The following WDTC1 variants were observed in gnomAD, a reference collection of about 807,000 sequenced individuals.
WDTC1 encodes WD and tetratricopeptide repeats 1.
In WDTC1, 12 loss-of-function variants were observed where a neutral mutation model predicts 76.0. The ratio of observed to expected loss-of-function variants is 0.16; its 90% confidence interval spans 0.10 to 0.26. The LOEUF is 0.26. WDTC1 is among the 10% of genes least tolerant of loss of function. The probability of loss-of-function intolerance (pLI) is 1.00; values close to 1 mark genes in which losing one functional copy is unlikely to be tolerated. For missense variants in WDTC1, 511 were observed against 908.8 expected (o/e 0.56, Z 5.63); for synonymous variants, 326 against 350.8 (o/e 0.93, Z 0.79).
intron 3 of WDTC1, among the ~76,000 whole-genome samples, chr1:27,276,393 T>C (rs1328055176): frequency 6.6e-6 from 1 of 152,152 alleles, no homozygotes; most frequent in Non-Finnish European, 1.5e-5. Context: ...ACACTTCTTA[T>C]TATCAATATT....
intron 6 of WDTC1, among the ~76,000 whole-genome samples, 168 bp downstream of exon 6, chr1:27,288,029 G>A (rs1413380580): frequency 3.9e-5 from 6 of 152,174 alleles, no homozygotes; most frequent in African/African-American, 1.2e-4. Context: ...TGCTTACTCC[G>A]CCCTCACCTT....
rs2013939745 is a variant in WDTC1, at chr1:27,305,745, T to A, written c.1837-441T>A. ...CAAGTGGTATGTCTGATTCCCAAGA[T>A]AATTTGCTGTGACTTTTAAAGAGAG... On this transcript the variant is annotated intron_variant, in intron 15 of 15. Transcript: ENST00000319394. This position sits in a 1 kb window ranked among gnomAD's most constrained non-coding sequence, Gnocchi z 4.6. Among the ~76,000 whole-genome samples the A allele has an allele frequency of 6.6e-6, 1 of 152,050 alleles. No individual in the cohort carries two copies. Among genetic ancestry groups the A allele is most frequent in the Non-Finnish European group, 1.5e-5 (1 of 68,002 alleles).
intron 5 of WDTC1, among the ~76,000 whole-genome samples, chr1:27,287,068 C>T (rs1276277927): frequency 1.3e-5 from 2 of 151,160 alleles, no homozygotes; most frequent in African/African-American, 2.4e-5. Flanking sequence ...GAGGCTGACA[C>T]AGGAGAATCG....
At chr1:27,280,209 T>C (rs901845596) in intron 3 of WDTC1, among the ~76,000 whole-genome samples, 2 of 152,246 alleles carry the variant, frequency 1.3e-5, no homozygotes, top group African/African-American at 4.8e-5. Context: ...CCTATTCTTA[T>C]AATTATTACT....
At chr1:27,298,162 C>T in intron 12 of WDTC1, 51 bp downstream of exon 12, 1 of 1,505,816 alleles carries the variant, frequency 6.6e-7, no homozygotes, top group Non-Finnish European at 8.9e-7. Flanking sequence ...GAGAAAGCAG[C>T]TGGACCAAAA....
intron 3 of WDTC1, among the ~76,000 whole-genome samples, chr1:27,272,341 C>T (rs1316917456): frequency 1.3e-5 from 2 of 152,132 alleles, no homozygotes; most frequent in Admixed American, 6.5e-5. Context: ...CCCACCTTGG[C>T]CTCCCAAGTA....
At chr1:27,296,957 C>G in intron 10 of WDTC1, 91 bp from the exon 11 acceptor site, 1 of 1,135,906 alleles carries the variant, frequency 8.8e-7, no homozygotes, top group Non-Finnish European at 1.3e-6. Context: ...ATGGAACCAT[C>G]AGACCCCGTG....
intron 3 of WDTC1, among the ~76,000 whole-genome samples, chr1:27,265,523 G>A (rs773040400): frequency 6.6e-6 from 1 of 152,062 alleles, no homozygotes; most frequent in Non-Finnish European, 1.5e-5. Context: ...GCATGGTGGT[G>A]CATACTTGTC....
chr1:27,303,887 C>T lies in WDTC1; in HGVS notation c.1643+92C>T. 6.6e-7 allele frequency: 1 copy of T among 1,521,866 alleles called. No individual in the cohort carries two copies. Among genetic ancestry groups the T allele is most frequent in the Non-Finnish European group, 9.0e-7 (1 of 1,115,002 alleles). The allele number at this position is 1,521,866 out of a possible 1,614,324, so 94.3% of individuals were successfully genotyped here. A position where few individuals can be genotyped will look rare whatever the true frequency, so the allele number is the denominator to read the frequency against. On this transcript the variant is annotated intron_variant, in intron 14 of 15. Transcript: ENST00000319394. This position sits in a 1 kb window ranked among gnomAD's most constrained non-coding sequence, Gnocchi z 4.8. The stretch of plus-strand genomic sequence containing the variant: ...GCATAATGGTTTCAGAGAAGAATCT[C>T]AAATCCCTGCTCTGCCTCTGTACCC...
intron 1 of WDTC1, among the ~76,000 whole-genome samples, chr1:27,250,229 T>C (rs2011995222): frequency 1.3e-5 from 2 of 152,126 alleles, no homozygotes; most frequent in Admixed American, 6.6e-5. Context: ...CTGTATCCTC[T>C]AGGCTGGAGT....
At chr1:27,280,566 A>G (rs2013158945) in intron 3 of WDTC1, among the ~76,000 whole-genome samples, 1 of 152,224 alleles carries the variant, frequency 6.6e-6, no homozygotes, top group South Asian at 2.1e-4. Flanking sequence ...TTTAATCTAA[A>G]TCTTGCTTGT....
At chr1:27,250,101 G>T (rs566954182) in intron 1 of WDTC1, among the ~76,000 whole-genome samples, 17 of 152,220 alleles carry the variant, frequency 1.1e-4, no homozygotes, top group South Asian at 6.2e-4. Context: ...AATATAACAG[G>T]GGTTACCAGG....
intron 3 of WDTC1, among the ~76,000 whole-genome samples, chr1:27,271,275 C>T (rs778625523): frequency 2.4e-4 from 36 of 151,974 alleles, no homozygotes; most frequent in Admixed American, 2.6e-4. Context: ...AGTGCAGTGG[C>T]GTGATCTTGG....
At chr1:27,288,913 C>T (rs1344593340) in intron 6 of WDTC1, among the ~76,000 whole-genome samples, 3 of 152,076 alleles carry the variant, frequency 2.0e-5, no homozygotes, top group African/African-American at 7.2e-5. Flanking sequence ...CTCCTCACTT[C>T]CCAGTAGGGG....
intron 5 of WDTC1, 142 bp downstream of exon 5, chr1:27,283,591 G>T: frequency 1.5e-6 from 1 of 657,730 alleles, no homozygotes; most frequent in South Asian, 2.0e-5. Flanking sequence ...AGTATCTGTT[G>T]GTGATTCCTG....
In WDTC1 at chr1:27,301,561, T is replaced by A; in HGVS notation, c.1468+100T>A. On this transcript the variant is annotated intron_variant, in intron 13 of 15. Transcript: ENST00000319394. This position sits in a 1 kb window ranked among gnomAD's most constrained non-coding sequence, Gnocchi z 5.8. ...GGTTCTGGGATTGGAGAGGCCTGGG[T>A]TCAGATGTTGATTCAGAAACCATGC... 1 of 1,338,400 alleles carries A rather than the reference T, an allele frequency of 7.5e-7. No individual in the cohort carries two copies. The highest frequency in any genetic ancestry group is 1.0e-6 in the Non-Finnish European group (1 of 973,032). 82.9% of individuals were successfully genotyped at this position (1,338,400 alleles called of 1,614,324 possible). A position where few individuals can be genotyped will look rare whatever the true frequency, so the allele number is the denominator to read the frequency against.
chr1:27,248,371 T>G (rs1336022000), intron 1 of WDTC1, among the ~76,000 whole-genome samples: 2 of 152,220 alleles, frequency 1.3e-5, no homozygotes, highest in Non-Finnish European at 2.9e-5. Flanking sequence ...GGTATCTCAT[T>G]GTGGTTTTGA....
At chr1:27,296,953 C>G in intron 10 of WDTC1, 95 bp from the exon 11 acceptor site, 3 of 1,079,818 alleles carry the variant, frequency 2.8e-6, no homozygotes, top group Non-Finnish European at 4.2e-6. Context: ...CACGATGGAA[C>G]CATCAGACCC....
intron 1 of WDTC1, among the ~76,000 whole-genome samples, chr1:27,260,264 C>T (rs1021127374): frequency 5.9e-5 from 9 of 152,088 alleles, no homozygotes; most frequent in Admixed American, 5.2e-4. Flanking sequence ...GCCACCACAC[C>T]CAGCTAATTT....
Sources: gnomAD v4.1 joint callset for allele counts (sites outside exome capture counted in the v4.1 genomes callset) on GRCh38, gnomAD v4.1.1 for gene constraint, Gnocchi (gnomAD v3.1) non-coding constraint, MANE v1.5 for transcripts, NCBI Gene and HGNC (gene_info 2026-07-23, HGNC 2026-07-21) for gene names.